ACTN4: variants seen among roughly 807,000 people sequenced by gnomAD.
ACTN4 encodes the protein actinin alpha 4.
Under a neutral mutation model 114.2 loss-of-function variants are expected in ACTN4, and 18 were observed. The observed-to-expected ratio is 0.16, with a 90% CI of 0.11 to 0.23. The LOEUF (loss-of-function observed/expected upper bound fraction) is 0.23, where lower values mean the gene tolerates loss of function less well. ACTN4 is among the 10% of genes least tolerant of loss of function. The pLI, the probability that ACTN4 is intolerant of heterozygous loss-of-function variation, is 1.00. For synonymous variants in ACTN4, 515 were observed against 506.3 expected, an observed-to-expected ratio of 1.02 and a Z score of -0.23; for missense variants, 722 against 1,262.9, an observed-to-expected ratio of 0.57 and a Z score of 6.49.
chr19:38,712,249 G>A (rs1320068030), intron 8 of ACTN4, among the ~76,000 whole-genome samples: 1 of 152,074 alleles, frequency 6.6e-6, no homozygotes, highest in Non-Finnish European at 1.5e-5. Context: ...AACTAGAAGG[G>A]GGGGGCCGTA....
At chr19:38,728,582 C>T (rs968134113) in intron 19 of ACTN4, among the ~76,000 whole-genome samples, 2 of 152,066 alleles carry the variant, frequency 1.3e-5, no homozygotes, top group African/African-American at 4.8e-5. Flanking sequence ...GATGACTTCC[C>T]GAGCCCCCCT....
intron 1 of ACTN4, among the ~76,000 whole-genome samples, chr19:38,685,323 T>G (rs931064849): frequency 1.3e-5 from 2 of 152,178 alleles, no homozygotes; most frequent in Non-Finnish European, 2.9e-5. Context: ...AGGGCAAGTT[T>G]AGGTAACTCT....
chr19:38,667,761 T>C (rs1048889053), intron 1 of ACTN4, among the ~76,000 whole-genome samples: 11 of 151,454 alleles, frequency 7.3e-5, no homozygotes, highest in Non-Finnish European at 1.5e-4. Context: ...ACTTGGCATC[T>C]CTGAGTCGCT....
chr19:38,663,841 G>C (rs1976967093), intron 1 of ACTN4, among the ~76,000 whole-genome samples: 1 of 152,214 alleles, frequency 6.6e-6, no homozygotes, highest in Non-Finnish European at 1.5e-5. Context: ...GATATCGTGA[G>C]TGGGCCAGAC....
At chr19:38,721,168 G>C (rs1046701811) in intron 11 of ACTN4, among the ~76,000 whole-genome samples, 6 of 152,172 alleles carry the variant, frequency 3.9e-5, no homozygotes, top group Non-Finnish European at 8.8e-5. Flanking sequence ...CTTTGACCCC[G>C]GGTGCTTCTC....
In ACTN4 at chr19:38,704,926, G is replaced by C; in HGVS notation, c.398-8G>C. 6.2e-7 allele frequency: 1 copy of C among 1,614,022 alleles called. No individual in the cohort carries two copies. Among genetic ancestry groups the C allele is most frequent in the South Asian group, 1.1e-5 (1 of 91,088 alleles). On this transcript the variant is annotated splice_polypyrimidine_tract_variant and splice_region_variant and intron_variant, in intron 3 of 20. Transcript: ENST00000252699. ...CCTTCTGCCCTCTGCCCCCTTCCCTGTGTGCAGAGATTGTGGACGGCAACG... is the reference window on the plus strand; with the variant it reads ...CCTTCTGCCCTCTGCCCCCTTCCCTCTGTGCAGAGATTGTGGACGGCAACG...
At position 38,731,048 on chromosome 19, in the gene ACTN4, T is replaced by G; in HGVS notation, c.*1616T>G. 6.4e-7 allele frequency: 1 copy of G among 1,557,880 alleles called. No homozygotes were observed. The highest frequency in any genetic ancestry group is 8.7e-7 in the Non-Finnish European group (1 of 1,151,800). The stretch of plus-strand genomic sequence containing the variant: ...CCTGTGCAGAGAGGGGCAGGGTGAG[T>G]GCCCACCAGTCCCCGTACCCCTTCC... On this transcript the variant is annotated 3_prime_UTR_variant, in exon 21 of 21. Transcript: ENST00000252699.
chr19:38,691,415 CAAAA>C (rs889715204), intron 1 of ACTN4, among the ~76,000 whole-genome samples: 3 of 71,798 alleles, frequency 4.2e-5, no homozygotes, highest in Admixed American at 1.3e-4. Flanking sequence ...AAAAAAAAAA[CAAAA>C]AAAACAAAAA....
chr19:38,730,430 C>CT lies in ACTN4; in HGVS notation c.*1008dup, dbSNP rs1202093647. On this transcript the variant is annotated 3_prime_UTR_variant, in exon 21 of 21. Transcript: ENST00000252699. ...TGGTTGATGGTTTTGCTCCCCCTAC[C>CT]TTTTTTTTTTGAGTTTATTCTGATT... 6.4e-3 allele frequency: 1,121 copies of CT among 175,770 alleles called. 2 individuals carry two copies. The highest frequency in any genetic ancestry group is 0.011 in the South Asian group (93 of 8,558). The allele number at this position is 175,770 out of a possible 1,614,324, so 10.9% of individuals were successfully genotyped here.
intron 1 of ACTN4, among the ~76,000 whole-genome samples, chr19:38,673,440 T>TA (rs1967196436): frequency 1.6e-5 from 2 of 126,944 alleles, no homozygotes; most frequent in Admixed American, 1.8e-4. Context: ...GGTTTTATTT[T>TA]TTATATATAT....
chr19:38,647,899 C>A lies in ACTN4; in HGVS notation c.154C>A (p.Gln52Lys). ...GCTGGACCCGGCCTGGGAGAAGCAG[C>A]AGCGCAAGGTGCGCGGCCCGCGGGC... ...LLLDPAWEKQ[Q>K]RKTFTAWCNS... The change falls in exon 1 of 21, where the codon CAG (glutamine) becomes AAG (lysine). Residue 52 changes from glutamine to lysine, a missense_variant. By Grantham distance (53) the Gln-to-Lys change is moderately conservative. Transcript: ENST00000252699. 6.6e-7 allele frequency: 1 copy of A among 1,504,742 alleles called. No homozygotes were observed. The highest frequency in any genetic ancestry group is 8.9e-7 in the Non-Finnish European group (1 of 1,125,048). The allele number at this position is 1,504,742 out of a possible 1,614,324, so 93.2% of individuals were successfully genotyped here.
chr19:38,728,189 T>C (rs1969311558), intron 19 of ACTN4, 163 bp downstream of exon 19: 1 of 1,311,752 alleles, frequency 7.6e-7, no homozygotes, highest in African/African-American at 1.5e-5. Context: ...CCCTTTTACC[T>C]GGTCTCTTGG....
intron 1 of ACTN4, among the ~76,000 whole-genome samples, chr19:38,657,009 A>G (rs765788521): frequency 6.6e-5 from 10 of 152,178 alleles, no homozygotes; most frequent in Admixed American, 2.0e-4. Flanking sequence ...ACAGGGTTTC[A>G]CTGTCACCCA....
rs1968868485 is a variant in ACTN4 at position 38,717,134 on chromosome 19, C to T, written c.961C>T (p.Pro321Ser). 1 of 1,614,188 alleles carries T rather than the reference C, an allele frequency of 6.2e-7. No homozygotes were observed. Among genetic ancestry groups the T allele is most frequent in the Non-Finnish European group, 8.5e-7 (1 of 1,180,044 alleles). Residue 321 changes from proline (P) to serine (S), a missense_variant, in exon 10 of 21, where the codon CCC becomes TCC. Physicochemically the swap from Pro to Ser is moderately conservative, Grantham distance 74 (BLOSUM62 -1). This residue lies in a region of ACTN4 where 523 missense variants were observed against 875.9 expected (regional missense o/e 0.60). Transcript: ENST00000252699. The surrounding 1 kb of genome is among the most constrained non-coding windows in gnomAD (Gnocchi z 4.0). Reference sequence around the variant, plus strand: ...CATCCCCTGGCTGGAGGACCGTGTGCCCCAAAAGACTATCCAGGAGATGCA... The same window carrying T: ...CATCCCCTGGCTGGAGGACCGTGTGTCCCAAAAGACTATCCAGGAGATGCA... ...RTIPWLEDRV[P>S]QKTIQEMQQK...
chr19:38,696,900 G>A (rs758678275), intron 1 of ACTN4, among the ~76,000 whole-genome samples: 1 of 152,204 alleles, frequency 6.6e-6, no homozygotes, highest in Admixed American at 6.5e-5. Context: ...CAGAGTACAC[G>A]GAAGAGTTAC....
chr19:38,724,828 A>G lies in ACTN4; in HGVS notation c.2010+263A>G, dbSNP rs571972148. ...AGACCAGCCTGGGCAACATAGTGAG[A>G]CCCCAACTCTACAAAAAATACAAAA... is the stretch of plus-strand genomic sequence containing the variant. On this transcript the variant is annotated intron_variant, in intron 16 of 20. Transcript: ENST00000252699. The surrounding 1 kb of genome is among the most constrained non-coding windows in gnomAD (Gnocchi z 7.0). 6.6e-6 allele frequency among the ~76,000 whole-genome samples: 1 copy of G among 152,306 alleles called. No individual in the cohort carries two copies. Among genetic ancestry groups the G allele is most frequent in the Non-Finnish European group, 1.5e-5 (1 of 68,030 alleles).
At chr19:38,718,185 T>C in intron 11 of ACTN4, 111 bp downstream of exon 11, 1 of 1,525,676 alleles carries the variant, frequency 6.6e-7, no homozygotes, top group South Asian at 1.2e-5. Flanking sequence ...TGGGTCTGTT[T>C]CTCAGGTGCC....
Position 38,663,329 on chromosome 19 carries a change from C to T in ACTN4, c.162+15422C>T, listed in dbSNP as rs563682735. ...CCAGACAGCAGCCCTCGCTGGGCCCCTCTTCAGAGCAGAGCTCTGTGCCGA... is the reference window on the plus strand; with the variant it reads ...CCAGACAGCAGCCCTCGCTGGGCCCTTCTTCAGAGCAGAGCTCTGTGCCGA... On this transcript the variant is annotated intron_variant, in intron 1 of 20. Coordinates refer to ENST00000252699, the MANE Select transcript of ACTN4 (RefSeq NM_004924.6). Among the ~76,000 whole-genome samples the T allele has an allele frequency of 2.6e-5, 4 of 152,354 alleles. No individual in the cohort carries two copies. In the South Asian group the frequency reaches 8.3e-4, roughly 32 times the overall value.
chr19:38,656,126 T>G (rs1976704499), intron 1 of ACTN4, among the ~76,000 whole-genome samples: 1 of 152,216 alleles, frequency 6.6e-6, no homozygotes, highest in African/African-American at 2.4e-5. Context: ...TTTGTTCCTT[T>G]TTTTTGAGAC....
Sources: gnomAD v4.1 joint callset for allele counts (sites outside exome capture counted in the v4.1 genomes callset) on GRCh38, gnomAD v4.1.1 for gene constraint, gnomAD v4.1.1 regional missense constraint, Gnocchi (gnomAD v3.1) non-coding constraint, MANE v1.5 for transcripts, NCBI Gene and HGNC (gene_info 2026-07-23, HGNC 2026-07-21) for gene names.